The following CLVS1 variants were observed in gnomAD, a reference collection of about 807,000 sequenced individuals.
CLVS1 encodes clavesin 1, also known as clavesin-1.
CLVS1 carries 10 observed loss-of-function variants against 33.1 expected under a neutral mutation model. The ratio of observed to expected loss-of-function variants is 0.30; its 90% CI spans 0.19 to 0.51. The LOEUF (loss-of-function observed/expected upper bound fraction) is 0.51. CLVS1 is among the 20% of genes least tolerant of loss of function. The pLI is 0.97. For synonymous variants in CLVS1, 163 were observed against 166.1 expected, an observed-to-expected ratio of 0.98 and a Z score of 0.14; for missense variants, 343 against 433.4, an observed-to-expected ratio of 0.79 and a Z score of 1.85.
chr8:61,292,134 A>G (rs905904519), intron 1 of CLVS1: 1 of 280,188 alleles, frequency 3.6e-6, no homozygotes, highest in African/African-American at 2.2e-5. Context: ...TTTTTTTAAT[A>G]TTCTCACTTT....
intron 2 of CLVS1, among the ~76,000 whole-genome samples, chr8:61,146,681 A>G (rs987476191): frequency 6.6e-6 from 1 of 152,274 alleles, no homozygotes; most frequent in Non-Finnish European, 1.5e-5. Context: ...AACATATGGC[A>G]CAGAATCAGC....
At position 61,381,001 on chromosome 8, in the gene CLVS1, G is replaced by T. The variant is rs150461204; in HGVS notation, c.630+4222G>T. On this transcript the variant is annotated intron_variant, in intron 3 of 5. Transcript: ENST00000325897. ...CTTGAAGGACCCAGATATTTGTTAC[G>T]GATTTAGAGAAGTGTATTTTTCACT... is the stretch of plus-strand genomic sequence containing the variant. Among the ~76,000 whole-genome samples, 3 of 152,102 alleles carry T rather than the reference G, an allele frequency of 2.0e-5. No individual in the cohort carries two copies. The East Asian group carries it at 5.8e-4, about 29-fold the overall frequency.
In CLVS1 at chr8:61,500,250, A is replaced by G. The variant is rs757314471; in HGVS notation, c.*708A>G. ...GAAATACGATTATTTCATCTGAGCA[A>G]TGTGAGTTACCACAGGCAGCTCAAA... On this transcript the variant is annotated 3_prime_UTR_variant, in exon 6 of 6. Coordinates refer to ENST00000325897, the MANE Select transcript of CLVS1 (RefSeq NM_173519.3). 3.3e-5 allele frequency: 5 copies of G among 152,278 alleles called. No individual in the cohort carries two copies. The highest frequency in any genetic ancestry group is 7.3e-5 in the Non-Finnish European group (5 of 68,042). 9.4% of individuals were successfully genotyped at this position (152,278 alleles called of 1,614,324 possible). A position where few individuals can be genotyped will look rare whatever the true frequency, so the allele number is the denominator to read the frequency against.
chr8:61,258,100 T>C (rs553070423), intron 2 of CLVS1, among the ~76,000 whole-genome samples: 1 of 152,328 alleles, frequency 6.6e-6, no homozygotes, highest in South Asian at 2.1e-4. Context: ...TTCTCTTCTC[T>C]GCTCCCATGG....
intron 2 of CLVS1, among the ~76,000 whole-genome samples, chr8:61,345,666 G>A (rs762776891): frequency 1.7e-4 from 26 of 151,330 alleles, no homozygotes; most frequent in Non-Finnish European, 2.5e-4. Flanking sequence ...GTGTGTGTGT[G>A]TGTGTTTGGT....
chr8:61,456,605 T>C, intron 4 of CLVS1, among the ~76,000 whole-genome samples: 1 of 152,260 alleles, frequency 6.6e-6, no homozygotes, highest in Admixed American at 6.5e-5. Flanking sequence ...ATTGAGGTCC[T>C]CTATGTAAGT....
At chr8:61,140,625 C>T (rs962129380) in intron 2 of CLVS1, among the ~76,000 whole-genome samples, 5 of 152,156 alleles carry the variant, frequency 3.3e-5, no homozygotes, top group Non-Finnish European at 7.4e-5. Context: ...CGCAGTGGCG[C>T]GATCTCGGCT....
chr8:61,499,450 G>A lies in CLVS1; in HGVS notation c.978-5G>A, dbSNP rs1178001172. The stretch of plus-strand genomic sequence containing the variant: ...ATTCTGTCTTTTTCCCTCCCCTCTT[G>A]TTAGATCTCAGTCTGTGGTAGAAGC... On this transcript the variant is annotated splice_polypyrimidine_tract_variant and splice_region_variant and intron_variant, in intron 5 of 5. Transcript: ENST00000325897. The A allele has an allele frequency of 6.2e-7, 1 of 1,608,324 alleles. No homozygotes were observed. Among genetic ancestry groups the A allele is most frequent in the Non-Finnish European group, 8.5e-7 (1 of 1,174,978 alleles).
At position 61,500,846 on chromosome 8, in the gene CLVS1, A is replaced by C. The variant is rs968297214; in HGVS notation, c.*1304A>C. On this transcript the variant is annotated 3_prime_UTR_variant, in exon 6 of 6. Transcript: ENST00000325897. ...TTACATTATTTTAAATATTTGGGAG[A>C]GTTAATTTGTTAGCTAAATAATTCA... is the stretch of plus-strand genomic sequence containing the variant. 16 of 151,604 alleles carry C rather than the reference A, an allele frequency of 1.1e-4. No homozygotes were observed. Among genetic ancestry groups the C allele is most frequent in the Non-Finnish European group, 2.1e-4 (14 of 68,024 alleles). The allele number at this position is 151,604 out of a possible 1,614,324, so 9.4% of individuals were successfully genotyped here.
intron 2 of CLVS1, among the ~76,000 whole-genome samples, chr8:61,204,056 T>C (rs1276877701): frequency 6.6e-6 from 1 of 152,196 alleles, no homozygotes; most frequent in Non-Finnish European, 1.5e-5. Context: ...GAAGAGTCAA[T>C]TAATTTCTCA....
the CLVS1 span, among the ~76,000 whole-genome samples, chr8:61,002,804 GTTC>G: frequency 1.3e-5 from 2 of 152,190 alleles, no homozygotes; most frequent in Admixed American, 1.3e-4. Flanking sequence ...TTCTTTTTGA[GTTC>G]TTCTCTATTA....
chr8:61,195,710 G>A (rs1190012994), intron 2 of CLVS1, among the ~76,000 whole-genome samples: 11 of 151,998 alleles, frequency 7.2e-5, no homozygotes, highest in Non-Finnish European at 8.8e-5. Flanking sequence ...AAAATTTATT[G>A]ATAGAACAGA....
At chr8:61,288,357 A>ACAT in intron 1 of CLVS1, 1 of 434,196 alleles carries the variant, frequency 2.3e-6, no homozygotes, top group African/African-American at 2.0e-5. Flanking sequence ...GCCCCCTTAC[A>ACAT]CATCAGCACC....
In CLVS1 at chr8:61,299,725, T is replaced by A; in HGVS notation, c.-103T>A. The stretch of plus-strand genomic sequence containing the variant: ...TCTGTTTTGGATGAACACCACCACA[T>A]AGGGCCTGAATGTGAAAGAAGACCC... On this transcript the variant is annotated 5_prime_UTR_variant, in exon 2 of 6. It removes the in-frame stop codon of an upstream open reading frame in the 5' UTR. Transcript: ENST00000325897. 1.2e-6 allele frequency: 1 copy of A among 803,386 alleles called. No individual in the cohort carries two copies. The highest frequency in any genetic ancestry group is 1.8e-5 in the South Asian group (1 of 55,586). The allele number at this position is 803,386 out of a possible 1,614,324, so 49.8% of individuals were successfully genotyped here.
At chr8:61,321,057 C>T (rs1018875195) in intron 2 of CLVS1, among the ~76,000 whole-genome samples, 2 of 152,112 alleles carry the variant, frequency 1.3e-5, no homozygotes, top group African/African-American at 4.8e-5. Flanking sequence ...CATTTAAACC[C>T]ATCTCTGCAA....
intron 1 of CLVS1, among the ~76,000 whole-genome samples, chr8:61,097,834 G>T (rs1805379961): frequency 6.6e-6 from 1 of 152,152 alleles, no homozygotes; most frequent in Admixed American, 6.6e-5. Flanking sequence ...AAAGGATTTT[G>T]TTTCTATTAA....
chr8:61,394,112 C>T (rs1585908270), intron 3 of CLVS1, among the ~76,000 whole-genome samples: 1 of 152,152 alleles, frequency 6.6e-6, no homozygotes, highest in Non-Finnish European at 1.5e-5. Context: ...TTTGGGTGGC[C>T]GAGGCAGGTG....
chr8:61,227,561 G>A (rs941192466), intron 2 of CLVS1, among the ~76,000 whole-genome samples: 1 of 152,226 alleles, frequency 6.6e-6, no homozygotes, highest in East Asian at 1.9e-4. Context: ...TATAATTCTT[G>A]TTTTAAATCT....
chr8:61,453,299 C>A (rs1005452835), intron 3 of CLVS1, among the ~76,000 whole-genome samples: 24 of 151,968 alleles, frequency 1.6e-4, no homozygotes, highest in African/African-American at 4.6e-4. Flanking sequence ...TGGCCATGGT[C>A]CCCTGTTCTG....
Sources: allele counts gnomAD v4.1 joint callset (sites outside exome capture counted in the v4.1 genomes callset), GRCh38; gene constraint gnomAD v4.1.1; transcripts MANE v1.5; gene names NCBI Gene and HGNC (gene_info 2026-07-23, HGNC 2026-07-21).